The following L3MBTL4 variants were observed in gnomAD, a reference collection of about 807,000 sequenced individuals.
L3MBTL4 encodes lethal(3)malignant brain tumor-like protein 4.
A neutral mutation model predicts 84.5 loss-of-function variants in L3MBTL4; 70 were observed. That is an observed-to-expected ratio of 0.83 (90% CI 0.68 to 1.01). The LOEUF is 1.01. L3MBTL4 is among the 50% of genes least tolerant of loss of function. The pLI is 0.00. For synonymous variants in L3MBTL4, 274 were observed against 259.8 expected (o/e 1.05, Z -0.52); for missense variants, 715 against 754.8 (o/e 0.95, Z 0.62).
At chr18:6,386,663 T>C (rs1159565885) in intron 1 of L3MBTL4, among the ~76,000 whole-genome samples, 1 of 152,104 alleles carries the variant, frequency 6.6e-6, no homozygotes, top group Non-Finnish European at 1.5e-5. Flanking sequence ...GTGAAGAGTG[T>C]TCCCAGTAAG....
At chr18:6,381,232 CAT>C (rs2054582924) in intron 1 of L3MBTL4, among the ~76,000 whole-genome samples, 1 of 152,122 alleles carries the variant, frequency 6.6e-6, no homozygotes, top group Non-Finnish European at 1.5e-5. Context: ...TGTCTTTGCA[CAT>C]GAGATGGGCC....
intron 16 of L3MBTL4, among the ~76,000 whole-genome samples, chr18:6,079,545 A>G (rs2057996695): frequency 6.6e-6 from 1 of 152,240 alleles, no homozygotes; most frequent in South Asian, 2.1e-4. Context: ...ACAGTATGCA[A>G]ATGCATTTTG....
chr18:6,083,340 T>G (rs1255896184), intron 15 of L3MBTL4, among the ~76,000 whole-genome samples: 1 of 152,122 alleles, frequency 6.6e-6, no homozygotes, highest in African/African-American at 2.4e-5. Context: ...GGGAAGTGTT[T>G]TGAGGACCTG....
chr18:6,093,511 T>A lies in L3MBTL4; in HGVS notation c.1217A>T (p.Tyr406Phe), dbSNP rs1405072366. 1.9e-6 allele frequency: 3 copies of A among 1,612,962 alleles called. No individual in the cohort carries two copies. The African/African-American group carries it at 4.0e-5, about 22-fold the overall frequency. ...SGHHSAFGCPYSDMNLKKEAT... is the reference protein window; with the variant it reads ...SGHHSAFGCPFSDMNLKKEAT... ...CTCCTTTTTCAAGTTCATGTCTGAA[T>A]ACGGGCAGCCAAAAGCACTGGTTTG... The change falls in exon 15 of 19, where the codon TAT becomes TTT. Residue 406 changes from tyrosine to phenylalanine, a missense_variant. Coordinates refer to ENST00000317931, the MANE Select transcript of L3MBTL4 (RefSeq NM_001330559.2).
chr18:6,090,790 ATTT>A (rs71370543), intron 15 of L3MBTL4, among the ~76,000 whole-genome samples: 1 of 129,744 alleles, frequency 7.7e-6, no homozygotes, highest in Non-Finnish European at 1.7e-5. Context: ...ACACCCACCT[ATTT>A]TTTTTTTTTT....
At chr18:6,266,835 A>C (rs1448380573) in intron 4 of L3MBTL4, among the ~76,000 whole-genome samples, 1 of 152,162 alleles carries the variant, frequency 6.6e-6, no homozygotes, top group Admixed American at 6.5e-5. Flanking sequence ...AGGCAGGAGA[A>C]TTGCTTGAAC....
intron 16 of L3MBTL4, among the ~76,000 whole-genome samples, chr18:5,983,038 A>C (rs186301696): frequency 3.2e-3 from 491 of 152,302 alleles, no homozygotes; most frequent in Non-Finnish European, 4.3e-3. Flanking sequence ...TTTTACTCCT[A>C]CCATGGACAG....
chr18:5,971,986 A>G (rs1218351209), intron 16 of L3MBTL4, among the ~76,000 whole-genome samples: 1 of 152,202 alleles, frequency 6.6e-6, no homozygotes, highest in Non-Finnish European at 1.5e-5. Context: ...TATTAAATCA[A>G]ACTATTTGAA....
chr18:6,324,140 G>A (rs937763112), intron 1 of L3MBTL4, among the ~76,000 whole-genome samples: 1 of 151,906 alleles, frequency 6.6e-6, no homozygotes, highest in Non-Finnish European at 1.5e-5. Flanking sequence ...AAGCCCACAG[G>A]TGCACAGAAT....
chr18:6,027,115 C>T (rs1216049830), intron 16 of L3MBTL4, among the ~76,000 whole-genome samples: 1 of 152,010 alleles, frequency 6.6e-6, no homozygotes, highest in African/African-American at 2.4e-5. Flanking sequence ...GTTTGCTGCA[C>T]CAATCAATTC....
intron 1 of L3MBTL4, among the ~76,000 whole-genome samples, chr18:6,327,620 A>G (rs1301841053): frequency 6.6e-6 from 1 of 152,164 alleles, no homozygotes; most frequent in East Asian, 1.9e-4. Context: ...CATAGCAATT[A>G]TGTCTCAGGA....
At chr18:6,121,255 C>T (rs1294489035) in intron 14 of L3MBTL4, among the ~76,000 whole-genome samples, 1 of 152,140 alleles carries the variant, frequency 6.6e-6, no homozygotes, top group South Asian at 2.1e-4. Context: ...CTAACGCAAT[C>T]CTAAATCACC....
chr18:6,263,911 C>G lies in L3MBTL4; in HGVS notation c.219+36G>C, dbSNP rs751966306. 3.5e-6 allele frequency: 5 copies of G among 1,421,442 alleles called. No homozygotes were observed. In the East Asian group the frequency reaches 9.1e-5, roughly 26 times the overall value. The allele number at this position is 1,421,442 out of a possible 1,614,324, so 88.1% of individuals were successfully genotyped here. On this transcript the variant is annotated intron_variant, in intron 5 of 18. Transcript: ENST00000317931. ...TTTAAACTAAACCTCTTAAGTGTTG[C>G]TTCCTTGCAAAAATATAAGTCCTTC...
intron 12 of L3MBTL4, among the ~76,000 whole-genome samples, chr18:6,207,343 C>A (rs1008779937): frequency 6.6e-6 from 1 of 152,212 alleles, no homozygotes; most frequent in Non-Finnish European, 1.5e-5. Flanking sequence ...CCACCTGGCT[C>A]TACCACTTAT....
At chr18:6,228,747 T>C (rs151318265) in intron 10 of L3MBTL4, among the ~76,000 whole-genome samples, 44 of 152,168 alleles carry the variant, frequency 2.9e-4, no homozygotes, top group South Asian at 2.1e-3. Flanking sequence ...AAATGTCCCA[T>C]CATGGAGATG....
intron 16 of L3MBTL4, among the ~76,000 whole-genome samples, chr18:5,979,129 C>T (rs1272584494): frequency 6.6e-6 from 1 of 152,162 alleles, no homozygotes; most frequent in Non-Finnish European, 1.5e-5. Context: ...GAAGGAAAGC[C>T]TGGAGCTCCC....
intron 17 of L3MBTL4, among the ~76,000 whole-genome samples, chr18:5,964,068 C>T (rs554582086): frequency 6.6e-6 from 1 of 152,376 alleles, no homozygotes; most frequent in South Asian, 2.1e-4. Flanking sequence ...ATGTGGGTGT[C>T]TCCCCTTGGC....
chr18:6,023,703 C>T lies in L3MBTL4; in HGVS notation c.1445-54141G>A, dbSNP rs560243203. 2.6e-5 allele frequency among the ~76,000 whole-genome samples: 4 copies of T among 152,222 alleles called. No homozygotes were observed. The South Asian group carries it at 6.2e-4, about 24-fold the overall frequency. The stretch of plus-strand genomic sequence containing the variant: ...TGTAACTGAAAACCTAGTCATATAC[C>T]GTGATAATAAACTGTGTGCCTGTGT... On this transcript the variant is annotated intron_variant, in intron 16 of 18. Transcript: ENST00000317931.
intron 16 of L3MBTL4, among the ~76,000 whole-genome samples, chr18:6,053,474 A>C (rs899757941): frequency 2.0e-5 from 3 of 152,204 alleles, no homozygotes; most frequent in African/African-American, 7.2e-5. Context: ...AACTGGTACT[A>C]TCACAAAAGG....
Sources: gnomAD v4.1 joint callset for allele counts (sites outside exome capture counted in the v4.1 genomes callset) on GRCh38, gnomAD v4.1.1 for gene constraint, MANE v1.5 for transcripts, NCBI Gene and HGNC (gene_info 2026-07-23, HGNC 2026-07-21) for gene names.